FNDC1: variants seen among roughly 807,000 people sequenced by gnomAD.
FNDC1 encodes the protein fibronectin type III domain-containing protein 1.
Under a neutral mutation model 168.0 loss-of-function variants are expected in FNDC1, and 96 were observed. The observed-to-expected ratio is 0.57, with a 90% CI of 0.48 to 0.68. The LOEUF (loss-of-function observed/expected upper bound fraction) is 0.68, where lower values mean the gene tolerates loss of function less well. Among genes scored for constraint, FNDC1 ranks in the 30% least tolerant of loss-of-function variants. The pLI is 0.00. For synonymous variants in FNDC1, 1,099 were observed against 1,025.9 expected (o/e 1.07, Z -1.36); for missense variants, 2,587 against 2,482.1 (o/e 1.04, Z -0.90).
chr6:159,215,132 A>G lies in FNDC1; in HGVS notation c.648A>G (p.Thr216=), dbSNP rs527850008. The change falls in exon 5 of 23, where the codon ACA becomes ACG. Residue 216 remains threonine, a synonymous_variant. Coordinates refer to ENST00000297267, the MANE Select transcript of FNDC1 (RefSeq NM_032532.3). Reference sequence around the variant, plus strand: ...TTCCACTGACAAGAGATGAACGGACACACGAAATTAAAAAGCTAGGTGAGT... The same window carrying G: ...TTCCACTGACAAGAGATGAACGGACGCACGAAATTAAAAAGCTAGGTGAGT... ...NYVPLTRDER[T]HEIKKLASES... 1 of 1,613,786 alleles carries G rather than the reference A, an allele frequency of 6.2e-7. No homozygotes were observed. Among genetic ancestry groups the G allele is most frequent in the African/African-American group, 1.3e-5 (1 of 75,070 alleles).
At chr6:159,268,861 T>TATCC (rs1267320224) in intron 22 of FNDC1, among the ~76,000 whole-genome samples, 4 of 146,356 alleles carry the variant, frequency 2.7e-5, no homozygotes, top group Non-Finnish European at 6.0e-5. Flanking sequence ...TCTATCTATC[T>TATCC]ATCCATACTG....
At chr6:159,209,205 G>A (rs1471678019) in intron 4 of FNDC1, among the ~76,000 whole-genome samples, 1 of 152,162 alleles carries the variant, frequency 6.6e-6, no homozygotes, top group African/African-American at 2.4e-5. Context: ...AAATGTAAAT[G>A]CAATTTTGAG....
intron 4 of FNDC1, among the ~76,000 whole-genome samples, chr6:159,202,408 C>T (rs757571410): frequency 2.8e-4 from 43 of 152,080 alleles, no homozygotes; most frequent in Non-Finnish European, 5.3e-4. Context: ...GCTATTATTC[C>T]GAGAAATTGT....
At chr6:159,268,723 C>CTATCT (rs1777642607) in intron 22 of FNDC1, among the ~76,000 whole-genome samples, 1 of 149,706 alleles carries the variant, frequency 6.7e-6, no homozygotes, top group Non-Finnish European at 1.5e-5. Context: ...TTTATGCATC[C>CTATCT]ATCTATCTAT....
intron 22 of FNDC1, among the ~76,000 whole-genome samples, chr6:159,269,077 T>G (rs753576883): frequency 4.3e-5 from 1 of 23,412 alleles, no homozygotes; most frequent in African/African-American, 7.4e-5. Context: ...TCTATCTATC[T>G]ATCTATCTAT....
intron 5 of FNDC1, among the ~76,000 whole-genome samples, chr6:159,217,788 C>T (rs897238445): frequency 6.6e-6 from 1 of 152,176 alleles, no homozygotes; most frequent in Non-Finnish European, 1.5e-5. Flanking sequence ...ACCAGCCACC[C>T]CTCTGTTGCA....
intron 12 of FNDC1, among the ~76,000 whole-genome samples, chr6:159,238,097 CT>C (rs61358656): frequency 4.3e-4 from 58 of 135,070 alleles, no homozygotes; most frequent in South Asian, 2.6e-3. Context: ...CTGTTTTGTA[CT>C]TTTTTTTTTT....
intron 9 of FNDC1, among the ~76,000 whole-genome samples, 196 bp downstream of exon 9, chr6:159,226,776 A>T (rs1367753705): frequency 6.6e-6 from 1 of 152,204 alleles, no homozygotes; most frequent in Non-Finnish European, 1.5e-5. Context: ...TATTCTTTTC[A>T]TCCTCCTGTG....
chr6:159,232,582 C>G lies in FNDC1; in HGVS notation c.2070C>G (p.Gly690=). 6.2e-7 allele frequency: 1 copy of G among 1,608,962 alleles called. No individual in the cohort carries two copies. The highest frequency in any genetic ancestry group is 2.2e-5 in the East Asian group (1 of 44,746). Residue 690 remains glycine, a synonymous_variant, in exon 11 of 23, where the codon GGC becomes GGG. Coordinates refer to ENST00000297267, the MANE Select transcript of FNDC1 (RefSeq NM_032532.3). The surrounding 1 kb of genome is among the most constrained non-coding windows in gnomAD (Gnocchi z 4.9). ...GCGACAGAAGCTCTGTGCACCCCGG[C>G]GCAAAGCCAGCCTCGCCGGCCCGGA... is the stretch of plus-strand genomic sequence containing the variant. The part of the protein sequence containing the change: ...VLRDRSSVHP[G]AKPASPARRT...
chr6:159,232,021 G>A lies in FNDC1; in HGVS notation c.1509G>A (p.Lys503=), dbSNP rs770079685. The A allele has an allele frequency of 4.4e-5, 71 of 1,613,826 alleles. No individual in the cohort carries two copies. In the South Asian group the frequency reaches 7.2e-4, roughly 16 times the overall value. Residue 503 remains lysine (K), a synonymous_variant, in exon 11 of 23, where the codon AAG becomes AAA. Coordinates refer to ENST00000297267, the MANE Select transcript of FNDC1 (RefSeq NM_032532.3). The surrounding 1 kb of genome is among the most constrained non-coding windows in gnomAD (Gnocchi z 4.9). ...VPASPQGRNA[K]DLLLDLKNKI... Reference sequence around the variant, plus strand: ...CTTCTCCCCAAGGGAGAAATGCCAAGGACCTTCTTCTTGACTTGAAGAACA... The same window carrying A: ...CTTCTCCCCAAGGGAGAAATGCCAAAGACCTTCTTCTTGACTTGAAGAACA...
chr6:159,245,372 G>T (rs1783518228), intron 14 of FNDC1, among the ~76,000 whole-genome samples: 1 of 152,220 alleles, frequency 6.6e-6, no homozygotes, highest in Non-Finnish European at 1.5e-5. Context: ...TCATCCACTA[G>T]TCACTTCTTC....
chr6:159,218,304 C>T (rs1478315448), intron 5 of FNDC1: 1 of 152,196 alleles, frequency 6.6e-6, no homozygotes, highest in South Asian at 2.1e-4. Flanking sequence ...GCTCCGGTCC[C>T]CACCTGGGTG....
In FNDC1 at chr6:159,239,513, T is replaced by G. The variant is rs1179492109; in HGVS notation, c.4181-4T>G. On this transcript the variant is annotated splice_polypyrimidine_tract_variant and splice_region_variant and intron_variant, in intron 13 of 22. Transcript: ENST00000297267. ...TGCATAGCTATTGGTTGATTTTGTTTCAGATCTGGAAGGGACCCCCGTGGT... is the reference window on the plus strand; with the variant it reads ...TGCATAGCTATTGGTTGATTTTGTTGCAGATCTGGAAGGGACCCCCGTGGT... 1 of 1,573,696 alleles carries G rather than the reference T, an allele frequency of 6.4e-7. No homozygotes were observed. The highest frequency in any genetic ancestry group is 8.6e-7 in the Non-Finnish European group (1 of 1,157,728).
At position 159,268,838 on chromosome 6, in the gene FNDC1, AT is replaced by A. The variant is rs1777647731; in HGVS notation, c.5569+913del. 1.7e-4 allele frequency among the ~76,000 whole-genome samples: 4 copies of A among 23,696 alleles called. 1 individual carries two copies. In the South Asian group the frequency reaches 5.9e-3, roughly 35 times the overall value. The allele number at this position is 23,696 out of a possible 152,430, so 15.5% of individuals were successfully genotyped here. A position where few individuals can be genotyped will look rare whatever the true frequency, so the allele number is the denominator to read the frequency against. ...TATCTATTCATCTATCTATCTATCT[AT>A]CTATCTATCTATCTATCTATCTATC... On this transcript the variant is annotated intron_variant, in intron 22 of 22. Transcript: ENST00000297267.
At chr6:159,244,197 A>G (rs1189008689) in intron 14 of FNDC1, among the ~76,000 whole-genome samples, 1 of 152,254 alleles carries the variant, frequency 6.6e-6, no homozygotes, top group Non-Finnish European at 1.5e-5. Flanking sequence ...TAGGCCAGGA[A>G]ACAATGGCAA....
At chr6:159,190,313 C>T (rs1292282385) in intron 1 of FNDC1, among the ~76,000 whole-genome samples, 2 of 152,348 alleles carry the variant, frequency 1.3e-5, no homozygotes, top group African/African-American at 2.4e-5. Context: ...TCCCGCACTC[C>T]ACGCTGCAGC....
At chr6:159,259,816 CTAAA>C (rs1378160239) in intron 18 of FNDC1, among the ~76,000 whole-genome samples, 1 of 152,144 alleles carries the variant, frequency 6.6e-6, no homozygotes, top group African/African-American at 2.4e-5. Flanking sequence ...AAGAATACTC[CTAAA>C]TAAGATGCAA....
At position 159,231,935 on chromosome 6, in the gene FNDC1, C is replaced by T. The variant is rs544950103; in HGVS notation, c.1423C>T (p.Pro475Ser). 7.4e-6 allele frequency: 12 copies of T among 1,613,624 alleles called. No individual in the cohort carries two copies. In the East Asian group the frequency reaches 2.0e-4, roughly 27 times the overall value. The stretch of plus-strand genomic sequence containing the variant: ...GGAGGACAATGGGAAACCCGAAAAA[C>T]CTGAGCCTTCCTCACCTTCTCCCAG... Reference protein sequence around the residue: ...NTEDNGKPEKPEPSSPSPRAP... With the variant: ...NTEDNGKPEKSEPSSPSPRAP... Residue 475 changes from proline (P) to serine (S), a missense_variant, in exon 11 of 23, where the codon CCT becomes TCT. Coordinates refer to ENST00000297267, the MANE Select transcript of FNDC1 (RefSeq NM_032532.3).
At chr6:159,173,130 A>C (rs779515668) in intron 1 of FNDC1, among the ~76,000 whole-genome samples, 3 of 152,242 alleles carry the variant, frequency 2.0e-5, no homozygotes, top group Non-Finnish European at 4.4e-5. Context: ...CCTCCTTGGC[A>C]TCCTCGTAAA....
Sources: allele counts gnomAD v4.1 joint callset (sites outside exome capture counted in the v4.1 genomes callset), GRCh38; gene constraint gnomAD v4.1.1; non-coding constraint Gnocchi (gnomAD v3.1); transcripts MANE v1.5; gene names NCBI Gene and HGNC (gene_info 2026-07-23, HGNC 2026-07-21).